Variants in NDST3 observed in about 807,000 individuals in gnomAD.
The protein encoded by NDST3 is N-deacetylase and N-sulfotransferase 3, also known as bifunctional heparan sulfate N-deacetylase/N-sulfotransferase 3.
NDST3 carries 58 observed loss-of-function variants against 96.1 expected under a neutral mutation model. The ratio of observed to expected loss-of-function variants is 0.60; its 90% confidence interval spans 0.49 to 0.75. The LOEUF (loss-of-function observed/expected upper bound fraction) is 0.75, where lower values mean the gene tolerates loss of function less well. Ranked by LOEUF, NDST3 falls within the 30% of genes least tolerant of loss-of-function variation. The pLI, the probability that NDST3 is intolerant of heterozygous loss-of-function variation, is 0.00. For synonymous variants in NDST3, 333 were observed against 359.7 expected, an observed-to-expected ratio of 0.93 and a Z score of 0.84; for missense variants, 788 against 1,034.2, an observed-to-expected ratio of 0.76 and a Z score of 3.27.
chr4:118,042,937 CTATT>C lies in NDST3; in HGVS notation c.-156+8350_-156+8353del, dbSNP rs1158221336. ...CAGATAGTCTATACTGCATAAATCACTATTTATTATGTACAACATACTGTTGGCT... is the reference window on the plus strand; with the variant it reads ...CAGATAGTCTATACTGCATAAATCACTATTATGTACAACATACTGTTGGCT... On this transcript the variant is annotated intron_variant, in intron 1 of 13. Transcript: ENST00000296499. Among the ~76,000 whole-genome samples the C allele has an allele frequency of 2.6e-5, 4 of 152,328 alleles. No homozygotes were observed. In the East Asian group the frequency reaches 7.7e-4, roughly 29 times the overall value.
intron 6 of NDST3, among the ~76,000 whole-genome samples, chr4:118,219,292 C>T (rs11947630): frequency 0.17 from 25,791 of 151,854 alleles, 2,337 homozygotes; most frequent in South Asian, 0.23. Context: ...CTGCAAACTA[C>T]ATTACAAGGC....
chr4:118,245,229 A>G (rs17049700), intron 12 of NDST3, among the ~76,000 whole-genome samples: 8,295 of 152,294 alleles, frequency 0.054, 431 homozygotes, highest in African/African-American at 0.14. Context: ...ATCAATGCCA[A>G]TGACAGATGT....
chr4:118,189,985 G>T, intron 6 of NDST3, among the ~76,000 whole-genome samples: 1 of 150,610 alleles, frequency 6.6e-6, no homozygotes, highest in Admixed American at 6.6e-5. Flanking sequence ...CTATTTTTTA[G>T]TCCTTCAATT....
chr4:118,182,684 G>A (rs1432329822), intron 6 of NDST3, among the ~76,000 whole-genome samples: 1 of 152,142 alleles, frequency 6.6e-6, no homozygotes. Context: ...TTCCTAAAAT[G>A]GAACAGAGAG....
intron 5 of NDST3, among the ~76,000 whole-genome samples, chr4:118,138,752 A>C (rs1167360295): frequency 6.6e-6 from 1 of 152,216 alleles, no homozygotes; most frequent in Non-Finnish European, 1.5e-5. Context: ...TGCTAATTAA[A>C]TCATTTGCAT....
intron 6 of NDST3, among the ~76,000 whole-genome samples, chr4:118,191,446 T>C (rs1306374872): frequency 6.6e-6 from 1 of 152,210 alleles, no homozygotes; most frequent in Admixed American, 6.5e-5. Flanking sequence ...CTTTTAAACT[T>C]AGCTATTGTT....
intron 4 of NDST3, among the ~76,000 whole-genome samples, chr4:118,118,907 T>C (rs995715340): frequency 6.6e-6 from 1 of 152,192 alleles, no homozygotes; most frequent in African/African-American, 2.4e-5. Flanking sequence ...AAGTCTTCAA[T>C]AGTATATACT....
At chr4:118,245,090 G>C (rs1741232039) in intron 12 of NDST3, among the ~76,000 whole-genome samples, 1 of 152,074 alleles carries the variant, frequency 6.6e-6, no homozygotes, top group South Asian at 2.1e-4. Flanking sequence ...GTGTTTTGAA[G>C]CAATCATTTG....
chr4:118,143,833 A>G lies in NDST3; in HGVS notation c.1539+149A>G, dbSNP rs978990330. 111 of 792,930 alleles carry G rather than the reference A, an allele frequency of 1.4e-4. No homozygotes were observed. The African/African-American group carries it at 1.8e-3, about 13-fold the overall frequency. 49.1% of individuals were successfully genotyped at this position (792,930 alleles called of 1,614,324 possible). On this transcript the variant is annotated intron_variant, in intron 6 of 13. Transcript: ENST00000296499. Reference sequence around the variant, plus strand: ...AGTAGTAAAAACTAAATGGAACCACATCTAGAAATGGGAACAAACCAATTC... The same window carrying G: ...AGTAGTAAAAACTAAATGGAACCACGTCTAGAAATGGGAACAAACCAATTC...
At chr4:118,162,585 A>C (rs1470935225) in intron 6 of NDST3, among the ~76,000 whole-genome samples, 1 of 151,474 alleles carries the variant, frequency 6.6e-6, no homozygotes, top group African/African-American at 2.4e-5. Context: ...CTTACACCTT[A>C]TACAAAAATC....
At chr4:118,055,134 T>C (rs970701270) in intron 2 of NDST3, 1 of 537,112 alleles carries the variant, frequency 1.9e-6, no homozygotes, top group Non-Finnish European at 3.3e-6. Context: ...GTTTTCTACA[T>C]GTATTTACAA....
chr4:118,049,972 C>T (rs947128600), intron 1 of NDST3, among the ~76,000 whole-genome samples: 3 of 152,056 alleles, frequency 2.0e-5, no homozygotes, highest in Admixed American at 2.0e-4. Context: ...AACATAGATG[C>T]AGAAATTCTC....
chr4:118,237,329 G>C (rs1248976011), intron 10 of NDST3, 109 bp downstream of exon 10: 2 of 890,004 alleles, frequency 2.2e-6, no homozygotes, highest in African/African-American at 1.7e-5. Context: ...AGATTTGCTA[G>C]TTGTTTGATA....
intron 6 of NDST3, among the ~76,000 whole-genome samples, chr4:118,149,319 A>G (rs1000204379): frequency 1.0e-3 from 157 of 152,196 alleles, no homozygotes; most frequent in African/African-American, 3.7e-3. Context: ...GATGGGGATG[A>G]CATTGAATCT....
At chr4:118,050,444 A>ATGATATGAT (rs766568505) in intron 1 of NDST3, among the ~76,000 whole-genome samples, 1 of 152,164 alleles carries the variant, frequency 6.6e-6, no homozygotes, top group Non-Finnish European at 1.5e-5. Context: ...CTCTTTGCTG[A>ATGATATGAT]TGATATGATT....
Position 118,254,666 on chromosome 4 carries a change from T to C in NDST3, c.2503-927T>C, listed in dbSNP as rs569142023. Among the ~76,000 whole-genome samples the C allele has an allele frequency of 1.5e-3, 222 of 152,324 alleles. 1 individual carries two copies. Among genetic ancestry groups the C allele is most frequent in the African/African-American group, 4.1e-3 (171 of 41,578 alleles). On this transcript the variant is annotated intron_variant, in intron 13 of 13. Transcript: ENST00000296499. ...GCAAGTAGATTTTGATTTGTAAATT[T>C]TTTTTAGATCTCAGAAATTAAAATA...
chr4:118,083,512 T>G (rs1273688650), intron 2 of NDST3, among the ~76,000 whole-genome samples: 1 of 152,182 alleles, frequency 6.6e-6, no homozygotes, highest in Non-Finnish European at 1.5e-5. Flanking sequence ...CAGTACCCTT[T>G]GATGAGAGGT....
chr4:118,164,882 A>C (rs967159706), intron 6 of NDST3, among the ~76,000 whole-genome samples: 2 of 152,170 alleles, frequency 1.3e-5, no homozygotes, highest in Non-Finnish European at 2.9e-5. Flanking sequence ...TACAACTATA[A>C]GATGTTTTAT....
At chr4:118,205,391 G>A (rs143038118) in intron 6 of NDST3, among the ~76,000 whole-genome samples, 1 of 144,352 alleles carries the variant, frequency 6.9e-6, no homozygotes, top group African/African-American at 2.6e-5. Context: ...AAAACAGAAT[G>A]GAAATCTTCC....
Sources: gnomAD v4.1 joint callset for allele counts (sites outside exome capture counted in the v4.1 genomes callset) on GRCh38, gnomAD v4.1.1 for gene constraint, MANE v1.5 for transcripts, NCBI Gene and HGNC (gene_info 2026-07-23, HGNC 2026-07-21) for gene names.